TXNDC16: variants seen among roughly 807,000 people sequenced by gnomAD.
TXNDC16 encodes the protein thioredoxin domain containing 16.
TXNDC16 carries 74 observed loss-of-function variants against 85.6 expected under a neutral mutation model. That is an observed-to-expected ratio of 0.86 (90% CI 0.72 to 1.05). TXNDC16 has a LOEUF of 1.05. TXNDC16 is among the 50% of genes least tolerant of loss of function. The probability of loss-of-function intolerance (pLI) is 0.00; values close to 1 mark genes in which losing one functional copy is unlikely to be tolerated. For missense variants in TXNDC16, 959 were observed against 947.0 expected (o/e 1.01, Z -0.17); for synonymous variants, 335 against 326.5 (o/e 1.03, Z -0.28).
At chr14:52,513,363 A>G (rs2037000893) in intron 8 of TXNDC16, among the ~76,000 whole-genome samples, 1 of 152,084 alleles carries the variant, frequency 6.6e-6, no homozygotes, top group South Asian at 2.1e-4. Context: ...AGATAACCCA[A>G]ATAGCCAACT....
chr14:52,480,542 T>C (rs999257456), intron 14 of TXNDC16, among the ~76,000 whole-genome samples: 1 of 151,738 alleles, frequency 6.6e-6, no homozygotes, highest in Non-Finnish European at 1.5e-5. Flanking sequence ...CAAAAGAAGA[T>C]ATACAAATGG....
chr14:52,502,699 T>A (rs1463125223), intron 9 of TXNDC16, among the ~76,000 whole-genome samples: 1 of 152,178 alleles, frequency 6.6e-6, no homozygotes, highest in African/African-American at 2.4e-5. Flanking sequence ...ACAAGGTTCA[T>A]CTCACTGGGG....
intron 20 of TXNDC16, among the ~76,000 whole-genome samples, chr14:52,434,155 C>T (rs1227124173): frequency 6.6e-6 from 1 of 152,232 alleles, no homozygotes; most frequent in Admixed American, 6.5e-5. Context: ...CACCACTGCA[C>T]TCAAACCTGG....
In TXNDC16 at chr14:52,439,198, A is replaced by G. The variant is rs766548813; in HGVS notation, c.2194+6T>C. 1.2e-6 allele frequency: 2 copies of G among 1,612,924 alleles called. No homozygotes were observed. Among genetic ancestry groups the G allele is most frequent in the South Asian group, 2.2e-5 (2 of 90,946 alleles). ...CTACATGTATTAAACAAAACAGAAAACTTACTGATATGATTTTCTAGTCCT... is the reference window on the plus strand; with the variant it reads ...CTACATGTATTAAACAAAACAGAAAGCTTACTGATATGATTTTCTAGTCCT... On this transcript the variant is annotated splice_donor_region_variant and intron_variant, in intron 20 of 20. Coordinates refer to ENST00000281741, the MANE Select transcript of TXNDC16 (RefSeq NM_020784.3).
At chr14:52,491,218 G>A (rs530922575) in intron 9 of TXNDC16, among the ~76,000 whole-genome samples, 63 of 151,970 alleles carry the variant, frequency 4.1e-4, no homozygotes, top group African/African-American at 1.4e-3. Flanking sequence ...AATCTTGCTC[G>A]CTCATCAGGC....
chr14:52,504,217 G>A (rs2036733518), intron 9 of TXNDC16, among the ~76,000 whole-genome samples: 1 of 152,064 alleles, frequency 6.6e-6, no homozygotes, highest in African/African-American at 2.4e-5. Context: ...GAAATACAGA[G>A]AACACCACAA....
chr14:52,542,490 G>T (rs1191251572), intron 3 of TXNDC16, 37 bp from the exon 4 acceptor site: 2 of 1,469,174 alleles, frequency 1.4e-6, no homozygotes, highest in Non-Finnish European at 1.9e-6. Context: ...TTTATGAATT[G>T]CCCCTTAAAA....
At chr14:52,506,534 TTTTTTTTTTTTTTTTTTCTTTTTTC>T (rs1278825372) in intron 9 of TXNDC16, among the ~76,000 whole-genome samples, 5 of 122,626 alleles carry the variant, frequency 4.1e-5, no homozygotes, top group Non-Finnish European at 1.7e-5. Context: ...ACCCTTTTTT[TTTTTTTTTTTTTTTTTTCTTTTTTC>T]TTTTTTTTGA....
At chr14:52,432,649 T>C (rs1030267541) in intron 20 of TXNDC16, 62 bp from the exon 21 acceptor site, 1 of 1,362,574 alleles carries the variant, frequency 7.3e-7, no homozygotes, top group Non-Finnish European at 9.8e-7. Context: ...CATCAACATA[T>C]TAGAAAATGT....
At chr14:52,500,240 G>A (rs1381751133) in intron 9 of TXNDC16, among the ~76,000 whole-genome samples, 6 of 152,290 alleles carry the variant, frequency 3.9e-5, no homozygotes, top group African/African-American at 1.4e-4. Context: ...TAAATAAAAT[G>A]CGGTATATAC....
intron 6 of TXNDC16, among the ~76,000 whole-genome samples, chr14:52,528,698 A>G (rs955742944): frequency 6.6e-6 from 1 of 150,626 alleles, no homozygotes; most frequent in Non-Finnish European, 1.5e-5. Flanking sequence ...GTGAAATACT[A>G]TTTTGTTTAT....
intron 6 of TXNDC16, among the ~76,000 whole-genome samples, chr14:52,531,689 TG>T (rs2037584122): frequency 6.6e-6 from 1 of 152,080 alleles, no homozygotes; most frequent in South Asian, 2.1e-4. Flanking sequence ...CAGAGCATTT[TG>T]GGGGTAGTGA....
chr14:52,548,058 T>G (rs2037975261), intron 1 of TXNDC16, among the ~76,000 whole-genome samples: 1 of 152,210 alleles, frequency 6.6e-6, no homozygotes, highest in South Asian at 2.1e-4. Context: ...ACTTTCCCTC[T>G]GCCATGATGA....
At chr14:52,530,333 A>C (rs1195426803) in intron 6 of TXNDC16, among the ~76,000 whole-genome samples, 2 of 50,748 alleles carry the variant, frequency 3.9e-5, no homozygotes, top group African/African-American at 8.6e-5. Context: ...TTTTTATATT[A>C]TATATAATTA....
Position 52,493,216 on chromosome 14 carries a change from T to TATATATATATATATATATATACACACAC in TXNDC16, c.757-2212_757-2211insGTGTGTGTATATATATATATATATATAT. Among the ~76,000 whole-genome samples, 88 of 115,884 alleles carry TATATATATATATATATATATACACACAC rather than the reference T, an allele frequency of 7.6e-4. 1 individual carries two copies. Among genetic ancestry groups the TATATATATATATATATATATACACACAC allele is most frequent in the African/African-American group, 3.0e-3 (85 of 28,206 alleles). The allele number at this position is 115,884 out of a possible 152,430, so 76.0% of individuals were successfully genotyped here. A position where few individuals can be genotyped will look rare whatever the true frequency, so the allele number is the denominator to read the frequency against. ...TTCTATATATATATATATATATATA[T>TATATATATATATATATATATACACACAC]ACACACACACACACACACATATTTA... On this transcript the variant is annotated intron_variant, in intron 9 of 20. Transcript: ENST00000281741.
intron 1 of TXNDC16, among the ~76,000 whole-genome samples, chr14:52,551,590 T>C (rs1161299863): frequency 6.6e-6 from 1 of 152,172 alleles, no homozygotes; most frequent in African/African-American, 2.4e-5. Flanking sequence ...CGTAATGTGC[T>C]GTGTATTCTA....
chr14:52,485,446 T>A (rs1201071684), intron 12 of TXNDC16, among the ~76,000 whole-genome samples: 3 of 152,172 alleles, frequency 2.0e-5, no homozygotes, highest in African/African-American at 2.4e-5. Flanking sequence ...AAAAAATTTA[T>A]AAATTTAGTA....
At chr14:52,457,021 A>T in intron 17 of TXNDC16, 69 bp downstream of exon 17, 2 of 1,100,324 alleles carry the variant, frequency 1.8e-6, no homozygotes, top group Non-Finnish European at 2.7e-6. Flanking sequence ...TGTAAATATA[A>T]GCAATTATTA....
intron 4 of TXNDC16, among the ~76,000 whole-genome samples, chr14:52,538,735 T>C (rs1009855919): frequency 6.6e-6 from 1 of 152,144 alleles, no homozygotes; most frequent in Non-Finnish European, 1.5e-5. Context: ...GAATAGTTAT[T>C]TTGTTTTGCA....
Sources: allele counts gnomAD v4.1 joint callset (sites outside exome capture counted in the v4.1 genomes callset), GRCh38; gene constraint gnomAD v4.1.1; transcripts MANE v1.5; gene names NCBI Gene and HGNC (gene_info 2026-07-23, HGNC 2026-07-21).